The following UBE2J2 variants were observed in gnomAD, a reference collection of about 807,000 sequenced individuals.
UBE2J2 encodes ubiquitin conjugating enzyme E2 J2, also known as ubiquitin-conjugating enzyme E2 J2.
UBE2J2 carries 5 observed loss-of-function variants against 28.6 expected under a neutral mutation model. The ratio of observed to expected loss-of-function variants is 0.17; its 90% CI spans 0.09 to 0.37. The LOEUF is 0.37. Ranked by LOEUF, UBE2J2 falls within the 10% of genes least tolerant of loss-of-function variation. The probability of loss-of-function intolerance (pLI) is 1.00; values close to 1 mark genes in which losing one functional copy is unlikely to be tolerated. For synonymous variants in UBE2J2, 138 were observed against 139.7 expected, an observed-to-expected ratio of 0.99 and a Z score of 0.09; for missense variants, 226 against 338.9, an observed-to-expected ratio of 0.67 and a Z score of 2.62.
At chr1:1,259,568 G>A (rs1359533788) in intron 3 of UBE2J2, among the ~76,000 whole-genome samples, 8 of 152,278 alleles carry the variant, frequency 5.3e-5, no homozygotes, top group Admixed American at 2.6e-4. Flanking sequence ...ATCTTAGGCC[G>A]CCTCGGCATC....
chr1:1,266,067 A>C (rs763203100), intron 2 of UBE2J2: 92 of 1,303,724 alleles, frequency 7.1e-5, no homozygotes, highest in East Asian at 6.1e-4. Flanking sequence ...ACCAGCGAGG[A>C]GGCGGCTACC....
Position 1,257,286 on chromosome 1 carries a change from A to T in UBE2J2, c.197T>A (p.Ile66Asn). The part of the protein sequence containing the change: ...YEGGYYHGKL[I>N]FPREFPFKPP... Reference sequence around the variant, plus strand: ...TTTGAAAGGAAATTCTCTGGGAAAAATTAGTTTTCCATGATAATAGCCACC... The same window carrying T: ...TTTGAAAGGAAATTCTCTGGGAAAATTTAGTTTTCCATGATAATAGCCACC... Residue 66 changes from isoleucine (I) to asparagine (N), a missense_variant, in exon 4 of 7, where the codon ATT becomes AAT. Coordinates refer to ENST00000349431, the MANE Select transcript of UBE2J2 (RefSeq NM_058167.3). 1 of 1,612,762 alleles carries T rather than the reference A, an allele frequency of 6.2e-7. No individual in the cohort carries two copies.
chr1:1,260,221 G>A (rs1343758733), intron 3 of UBE2J2, among the ~76,000 whole-genome samples: 1 of 152,190 alleles, frequency 6.6e-6, no homozygotes, highest in East Asian at 1.9e-4. Flanking sequence ...GCGAAGCCCA[G>A]GAATGACACC....
chr1:1,257,199 G>A lies in UBE2J2; in HGVS notation c.275+9C>T, dbSNP rs777705426. ...CAGAAAGCCTCCGCGGCCCCTCCAGGCACCTTACCTGGTGTTGCACTTAAA... is the reference window on the plus strand; with the variant it reads ...CAGAAAGCCTCCGCGGCCCCTCCAGACACCTTACCTGGTGTTGCACTTAAA... On this transcript the variant is annotated intron_variant, in intron 4 of 6. Coordinates refer to ENST00000349431, the MANE Select transcript of UBE2J2 (RefSeq NM_058167.3). 9.3e-6 allele frequency: 15 copies of A among 1,604,626 alleles called. No homozygotes were observed. Among genetic ancestry groups the A allele is most frequent in the African/African-American group, 4.0e-5 (3 of 74,480 alleles).
At chr1:1,257,160 C>T (rs369152819) in intron 4 of UBE2J2, 30 bp from the exon 5 acceptor site, 343 of 1,604,454 alleles carry the variant, frequency 2.1e-4, no homozygotes, top group Non-Finnish European at 2.8e-4. Context: ...TCAGTGCACA[C>T]TCCCCACCGC....
Position 1,268,101 on chromosome 1 carries a change from C to T in UBE2J2, c.1-109G>A, listed in dbSNP as rs976591005. 223 of 1,460,786 alleles carry T rather than the reference C, an allele frequency of 1.5e-4. No individual in the cohort carries two copies. Among genetic ancestry groups the T allele is most frequent in the Admixed American group, 1.4e-4 (8 of 56,148 alleles). 90.5% of individuals were successfully genotyped at this position (1,460,786 alleles called of 1,614,324 possible). A position where few individuals can be genotyped will look rare whatever the true frequency, so the allele number is the denominator to read the frequency against. On this transcript the variant is annotated intron_variant, in intron 1 of 6. Coordinates refer to ENST00000349431, the MANE Select transcript of UBE2J2 (RefSeq NM_058167.3). The surrounding 1 kb of genome is among the most constrained non-coding windows in gnomAD (Gnocchi z 4.7). ...TGCAGCCCGCCATTCATTCAGGGCC[C>T]GGTCACCCAGAGTCACAGCTCACAG...
At chr1:1,273,636 G>GA (rs1192277359) in intron 1 of UBE2J2, 30 bp downstream of exon 1, 2 of 151,734 alleles carry the variant, frequency 1.3e-5, no homozygotes, top group Non-Finnish European at 2.9e-5. Context: ...CGGGCCCGAG[G>GA]ACCCGGCGCA....
chr1:1,270,168 T>C (rs974617531), intron 1 of UBE2J2, among the ~76,000 whole-genome samples: 4 of 152,098 alleles, frequency 2.6e-5, no homozygotes, highest in Non-Finnish European at 5.9e-5. Context: ...CACACGGAAC[T>C]GTGAGTCCAT....
At chr1:1,265,894 A>C (rs1406588781) in intron 2 of UBE2J2, among the ~76,000 whole-genome samples, 1 of 151,936 alleles carries the variant, frequency 6.6e-6, no homozygotes, top group Non-Finnish European at 1.5e-5. Flanking sequence ...CGGCCTCCCA[A>C]AGTGCTGGGA....
In UBE2J2 at chr1:1,263,504, GAACA is replaced by G. The variant is rs878945611; in HGVS notation, c.132-122_132-119del. 8.1e-4 allele frequency: 715 copies of G among 884,246 alleles called. 10 individuals are homozygous for G. Among genetic ancestry groups the G allele is most frequent in the Middle Eastern group, 6.4e-3 (24 of 3,722 alleles). The allele number at this position is 884,246 out of a possible 1,614,324, so 54.8% of individuals were successfully genotyped here. A position where few individuals can be genotyped will look rare whatever the true frequency, so the allele number is the denominator to read the frequency against. The stretch of plus-strand genomic sequence containing the variant: ...AAAATTACATTCACATTCAGGCAGT[GAACA>G]AATGAAGGTGAAATGTCACACAGCC... On this transcript the variant is annotated intron_variant, in intron 2 of 6. Coordinates refer to ENST00000349431, the MANE Select transcript of UBE2J2 (RefSeq NM_058167.3).
Position 1,255,230 on chromosome 1 carries a change from G to A in UBE2J2, c.753C>T (p.Tyr251=), listed in dbSNP as rs147177041. The change falls in exon 7 of 7, where the codon TAC becomes TAT. Residue 251 remains tyrosine (Y), a synonymous_variant. Transcript: ENST00000349431. ...ACTCCTGCGCGATGCTCCTCAGCACGTACTTGACCGTGTAAGCAAAGGCTG... is the reference window on the plus strand; with the variant it reads ...ACTCCTGCGCGATGCTCCTCAGCACATACTTGACCGTGTAAGCAAAGGCTG... ...GFAAFAYTVK[Y]VLRSIAQE 3.4e-5 allele frequency: 55 copies of A among 1,610,148 alleles called. No homozygotes were observed. In the African/African-American group the frequency reaches 3.5e-4, roughly 10 times the overall value.
At chr1:1,259,187 GCA>G (rs1279803718) in intron 3 of UBE2J2, among the ~76,000 whole-genome samples, 1 of 150,622 alleles carries the variant, frequency 6.6e-6, no homozygotes, top group Admixed American at 6.6e-5. Flanking sequence ...CCATCAGGAC[GCA>G]CTTGTGTGCA....
intron 2 of UBE2J2, 131 bp downstream of exon 2, chr1:1,267,731 A>C: frequency 6.6e-7 from 1 of 1,520,184 alleles, no homozygotes; most frequent in Non-Finnish European, 8.8e-7. Context: ...CACCCCACTC[A>C]CCCCGGGGGA....
At chr1:1,265,650 G>GTGTGTGTGT (rs1639818630) in intron 2 of UBE2J2, among the ~76,000 whole-genome samples, 4 of 71,754 alleles carry the variant, frequency 5.6e-5, no homozygotes, top group African/African-American at 9.7e-5. Flanking sequence ...TGTGTGTGTG[G>GTGTGTGTGT]TGGAGTCTCA....
chr1:1,272,229 T>C (rs182699010), intron 1 of UBE2J2, among the ~76,000 whole-genome samples: 97 of 151,808 alleles, frequency 6.4e-4, no homozygotes, highest in Non-Finnish European at 1.0e-3. Flanking sequence ...CCTTCAAACA[T>C]CCCCACAGAC....
chr1:1,255,484 T>C lies in UBE2J2; in HGVS notation c.499A>G (p.Ile167Val), dbSNP rs762133537. ...CELFPEVVEE[I>V]KQKQKAQDEL... ...TCTTGTGCTTTCTGTTTTTGTTTAA[T>C]CTCCTAAGAGAAAAACAGCGAGAAA... The change falls in exon 7 of 7, where the codon ATT (isoleucine) becomes GTT (valine). Residue 167 changes from isoleucine to valine, a missense_variant. Transcript: ENST00000349431. 2 of 1,607,438 alleles carry C rather than the reference T, an allele frequency of 1.2e-6. No individual in the cohort carries two copies. Among genetic ancestry groups the C allele is most frequent in the Admixed American group, 1.7e-5 (1 of 59,752 alleles).
At chr1:1,262,065 C>G (rs906131508) in intron 3 of UBE2J2, 1 of 274,402 alleles carries the variant, frequency 3.6e-6, no homozygotes, top group Non-Finnish European at 7.3e-6. Context: ...CCGTGTTGGT[C>G]AGGCTGGTCT....
intron 5 of UBE2J2, 162 bp from the exon 6 acceptor site, chr1:1,256,287 T>G: frequency 1.8e-6 from 1 of 568,496 alleles, no homozygotes. Context: ...TTACAAAGCC[T>G]TCTTAATCTT....
chr1:1,273,614 A>AG (rs1427889907), intron 1 of UBE2J2, 52 bp downstream of exon 1: 1 of 151,484 alleles, frequency 6.6e-6, no homozygotes, highest in Non-Finnish European at 1.5e-5. Context: ...CGGCTCCGGC[A>AG]GGGGGGACGA....
Sources: gnomAD v4.1 joint callset for allele counts (sites outside exome capture counted in the v4.1 genomes callset) on GRCh38, gnomAD v4.1.1 for gene constraint, Gnocchi (gnomAD v3.1) non-coding constraint, MANE v1.5 for transcripts, NCBI Gene and HGNC (gene_info 2026-07-23, HGNC 2026-07-21) for gene names.